TMEM216: variants seen among roughly 807,000 people sequenced by gnomAD.
TMEM216 encodes transmembrane protein 216, also known as cerebello-oculo-renal syndrome 2.
A neutral mutation model predicts 17.8 loss-of-function variants in TMEM216; 15 were observed. The ratio of observed to expected loss-of-function variants is 0.84; its 90% CI spans 0.56 to 1.30. The LOEUF (loss-of-function observed/expected upper bound fraction) is 1.30, where lower values mean the gene tolerates loss of function less well. Ranked by LOEUF, TMEM216 falls within the 50% of genes most tolerant of loss-of-function variation. TMEM216 has a pLI of 0.00. For synonymous variants in TMEM216, 58 were observed against 73.5 expected (o/e 0.79, Z 1.08); for missense variants, 160 against 175.7 (o/e 0.91, Z 0.51).
In TMEM216 at chr11:61,393,328, T is replaced by C. The variant is rs2135190185; in HGVS notation, c.132T>C (p.Tyr44=). ...YFLLELFIFL[Y]KGVLLPYPTA... Reference sequence around the variant, plus strand: ...TGCTGGAACTTTTCATATTTCTGTATAAAGGTAAGGAAGGCTTGGGGCTTG... The same window carrying C: ...TGCTGGAACTTTTCATATTTCTGTACAAAGGTAAGGAAGGCTTGGGGCTTG... The change falls in exon 2 of 5, where the codon TAT becomes TAC. Residue 44 remains tyrosine, a synonymous_variant. Transcript: ENST00000515837. The C allele has an allele frequency of 7.8e-6, 12 of 1,532,794 alleles. No homozygotes were observed. Among genetic ancestry groups the C allele is most frequent in the Non-Finnish European group, 1.0e-5 (12 of 1,143,876 alleles). 94.9% of individuals were successfully genotyped at this position (1,532,794 alleles called of 1,614,324 possible). A position where few individuals can be genotyped will look rare whatever the true frequency, so the allele number is the denominator to read the frequency against.
intron 1 of TMEM216, among the ~76,000 whole-genome samples, 161 bp from the exon 2 acceptor site, chr11:61,393,070 C>T (rs895635800): frequency 6.6e-6 from 1 of 152,078 alleles, no homozygotes; most frequent in Non-Finnish European, 1.5e-5. Context: ...CACTCCCACC[C>T]CCGTACCCTC....
At chr11:61,397,574 C>T (rs943725014) in intron 3 of TMEM216, among the ~76,000 whole-genome samples, 200 bp from the exon 4 acceptor site, 3 of 152,098 alleles carry the variant, frequency 2.0e-5, no homozygotes, top group African/African-American at 7.2e-5. Context: ...GGAAGCAGGA[C>T]CTCTGGATTA....
chr11:61,393,167 A>C, intron 1 of TMEM216, 64 bp from the exon 2 acceptor site: 1 of 1,284,920 alleles, frequency 7.8e-7, no homozygotes, highest in African/African-American at 1.5e-5. Flanking sequence ...TTAGACACCA[A>C]CCCATACGAG....
At position 61,392,630 on chromosome 11, in the gene TMEM216, G is replaced by T. The variant is rs7107543; in HGVS notation, c.-2G>T. On this transcript the variant is annotated 5_prime_UTR_variant, in exon 1 of 5. Coordinates refer to ENST00000515837, the MANE Select transcript of TMEM216 (RefSeq NM_001173990.3). ...CTGCTCCGGGAGCCGCTGTGGCAGC[G>T]TATGCTGCCACGGGGACTGAAGATG... The T allele has an allele frequency of 0.014, 21,497 of 1,535,262 alleles. 2,611 individuals carry two copies. In the African/African-American group the frequency reaches 0.26, roughly 19 times the overall value.
rs767179925 is a variant in TMEM216 at position 61,397,803 on chromosome 11, A to G, written c.259A>G (p.Met87Val). Residue 87 changes from methionine to valine, a missense_variant, in exon 4 of 5, where the codon ATG (methionine) becomes GTG (valine). Coordinates refer to ENST00000515837, the MANE Select transcript of TMEM216 (RefSeq NM_001173990.3). ...AAAGGGAAACCTCTGCCAGCGAAAG[A>G]TGCCGCTCAGTATTAGCGTGGCCTT... The part of the protein sequence containing the change: ...GTKGNLCQRK[M>V]PLSISVALTF... 7 of 1,613,536 alleles carry G rather than the reference A, an allele frequency of 4.3e-6. No homozygotes were observed. Among genetic ancestry groups the G allele is most frequent in the Non-Finnish European group, 5.9e-6 (7 of 1,179,894 alleles).
At chr11:61,393,205 C>T (rs996913515) in intron 1 of TMEM216, 26 bp from the exon 2 acceptor site, 10 of 1,515,062 alleles carry the variant, frequency 6.6e-6, no homozygotes, top group Non-Finnish European at 8.9e-6. Flanking sequence ...TCCGGCCCAT[C>T]CCACTTCTCT....
At chr11:61,392,729 G>C in intron 1 of TMEM216, 64 bp downstream of exon 1, 1 of 1,535,742 alleles carries the variant, frequency 6.5e-7, no homozygotes, top group Admixed American at 2.0e-5. Context: ...TCCCACCTCT[G>C]TCCCAGAGCT....
rs1858849150 is a variant in TMEM216 at position 61,398,351 on chromosome 11, G to A, written c.*75G>A. 15 of 1,499,526 alleles carry A rather than the reference G, an allele frequency of 1.0e-5. No homozygotes were observed. The South Asian group carries it at 1.8e-4, about 18-fold the overall frequency. 92.9% of individuals were successfully genotyped at this position (1,499,526 alleles called of 1,614,324 possible). ...CTTCTGGTACTTTAGCCACACCAGT[G>A]AGAATTGGTGGGGCAAGTTGTCCTG... is the stretch of plus-strand genomic sequence containing the variant. On this transcript the variant is annotated 3_prime_UTR_variant, in exon 5 of 5. Transcript: ENST00000515837.
intron 3 of TMEM216, among the ~76,000 whole-genome samples, chr11:61,396,219 G>A (rs926022956): frequency 5.9e-5 from 9 of 151,454 alleles, no homozygotes; most frequent in South Asian, 4.2e-4. Flanking sequence ...GGTGGCTCAC[G>A]CCTGTAATCC....
intron 2 of TMEM216, among the ~76,000 whole-genome samples, chr11:61,393,654 A>C (rs1311295585): frequency 6.6e-6 from 1 of 152,170 alleles, no homozygotes; most frequent in Non-Finnish European, 1.5e-5. Flanking sequence ...ACATCCAATC[A>C]TTTTGGAGAG....
intron 2 of TMEM216, 92 bp from the exon 3 acceptor site, chr11:61,393,792 T>C: frequency 1.1e-6 from 1 of 928,518 alleles, no homozygotes; most frequent in Non-Finnish European, 1.7e-6. Context: ...CATGGAAAGC[T>C]GAGACTGATG....
At chr11:61,393,764 A>G (rs1858733433) in intron 2 of TMEM216, 120 bp from the exon 3 acceptor site, 1 of 683,516 alleles carries the variant, frequency 1.5e-6, no homozygotes, top group Admixed American at 2.8e-5. Flanking sequence ...AATAATGCCC[A>G]CATCTCACTA....
Position 61,397,944 on chromosome 11 carries a change from C to G in TMEM216, c.400C>G (p.Leu134Val). The G allele has an allele frequency of 6.2e-7, 1 of 1,613,962 alleles. No individual in the cohort carries two copies. Among genetic ancestry groups the G allele is most frequent in the Non-Finnish European group, 8.5e-7 (1 of 1,179,904 alleles). Residue 134 changes from leucine (L) to valine (V), a missense_variant, in exon 4 of 5, where the codon CTT becomes GTT. Transcript: ENST00000515837. ...CTTCTTCTGTGGCTCAGAGCTTTTA[C>G]TTGAGGTGCTCACCTTGGCTGCTTT... ...LLFFCGSELL[L>V]EVLTLAAFSR...
intron 1 of TMEM216, 71 bp from the exon 2 acceptor site, chr11:61,393,160 G>A: frequency 8.3e-7 from 1 of 1,204,958 alleles, no homozygotes; most frequent in Non-Finnish European, 1.1e-6. Flanking sequence ...CCCAAAGTTA[G>A]ACACCAACCC....
chr11:61,394,216 C>T, intron 3 of TMEM216: 1 of 485,146 alleles, frequency 2.1e-6, no homozygotes, highest in Non-Finnish European at 3.8e-6. Flanking sequence ...TCCTTCCCAG[C>T]TGCCTAACTG....
chr11:61,395,693 C>T (rs184352880), intron 3 of TMEM216, among the ~76,000 whole-genome samples: 388 of 151,114 alleles, frequency 2.6e-3, no homozygotes, highest in African/African-American at 9.1e-3. Flanking sequence ...CCAAGATCGC[C>T]CACTGCACTC....
intron 3 of TMEM216, 51 bp from the exon 4 acceptor site, chr11:61,397,723 G>A (rs1858829368): frequency 1.9e-6 from 3 of 1,557,092 alleles, no homozygotes; most frequent in Middle Eastern, 2.3e-4. Flanking sequence ...TTTCCCCTGG[G>A]CCAGGAAAAG....
At chr11:61,394,592 C>A (rs1036213287) in intron 3 of TMEM216, among the ~76,000 whole-genome samples, 1 of 151,632 alleles carries the variant, frequency 6.6e-6, no homozygotes, top group Admixed American at 6.6e-5. Flanking sequence ...TGGTCTCGAT[C>A]TCTTGACCTT....
At chr11:61,397,262 G>T (rs537724657) in intron 3 of TMEM216, among the ~76,000 whole-genome samples, 2 of 151,800 alleles carry the variant, frequency 1.3e-5, no homozygotes, top group East Asian at 1.9e-4. Context: ...CACCTTCCGG[G>T]TTCACACCAT....
Sources: allele counts gnomAD v4.1 joint callset (sites outside exome capture counted in the v4.1 genomes callset), GRCh38; gene constraint gnomAD v4.1.1; transcripts MANE v1.5; gene names NCBI Gene and HGNC (gene_info 2026-07-23, HGNC 2026-07-21).